SCAF1: variants seen among roughly 807,000 people sequenced by gnomAD.
SCAF1 encodes the protein splicing factor, arginine/serine-rich 19.
A neutral mutation model predicts 91.2 loss-of-function variants in SCAF1; 28 were observed. The observed-to-expected ratio is 0.31, with a 90% CI of 0.23 to 0.42. The LOEUF (loss-of-function observed/expected upper bound fraction) is 0.42. Among genes scored for constraint, SCAF1 ranks in the 10% least tolerant of loss-of-function variants. The pLI is 1.00. For missense variants in SCAF1, 1,893 were observed against 1,872.1 expected (o/e 1.01, Z -0.21); for synonymous variants, 1,036 against 833.7 (o/e 1.24, Z -4.18).
In SCAF1 at chr19:49,642,492, C is replaced by T. The variant is rs1192145118; in HGVS notation, c.-7+250C>T. Among the ~76,000 whole-genome samples the T allele has an allele frequency of 2.0e-5, 3 of 152,106 alleles. No homozygotes were observed. Among genetic ancestry groups the T allele is most frequent in the Admixed American group, 1.3e-4 (2 of 15,278 alleles). ...GCGTCTCCGAGAGGACTTGGGGCGT[C>T]TCTGGGCCTAGACCGAGCCTAAGGC... On this transcript the variant is annotated intron_variant, in intron 1 of 10. Coordinates refer to ENST00000360565, the MANE Select transcript of SCAF1 (RefSeq NM_021228.3). This position sits in a 1 kb window ranked among gnomAD's most constrained non-coding sequence, Gnocchi z 4.0.
In SCAF1 at chr19:49,642,915, G is replaced by A. The variant is rs2081035511; in HGVS notation, c.-7+673G>A. ...AGGGTCTGGGGTCTCCAAGGTATGG[G>A]TAGTGTCTAATAATGGGTGACAGGA... On this transcript the variant is annotated intron_variant, in intron 1 of 10. Coordinates refer to ENST00000360565, the MANE Select transcript of SCAF1 (RefSeq NM_021228.3). This position sits in a 1 kb window ranked among gnomAD's most constrained non-coding sequence, Gnocchi z 4.0. 1.3e-5 allele frequency among the ~76,000 whole-genome samples: 2 copies of A among 152,234 alleles called. No homozygotes were observed. Among genetic ancestry groups the A allele is most frequent in the South Asian group, 4.1e-4 (2 of 4,832 alleles).
At position 49,652,022 on chromosome 19, in the gene SCAF1, G is replaced by T. The variant is rs1182064160; in HGVS notation, c.1633G>T (p.Ala545Ser). ...GTCGGGCACCCAGCCAGCGCCGCCCGCCCCGGCCTCGCCCTGGGACTCCAA... is the reference window on the plus strand; with the variant it reads ...GTCGGGCACCCAGCCAGCGCCGCCCTCCCCGGCCTCGCCCTGGGACTCCAA... ...SSSGTQPAPPAPASPWDSKKH... is the reference protein window; with the variant it reads ...SSSGTQPAPPSPASPWDSKKH... Residue 545 changes from alanine to serine, a missense_variant, in exon 7 of 11, where the codon GCC becomes TCC. Coordinates refer to ENST00000360565, the MANE Select transcript of SCAF1 (RefSeq NM_021228.3). 1.6e-6 allele frequency: 2 copies of T among 1,218,622 alleles called. No homozygotes were observed. Among genetic ancestry groups the T allele is most frequent in the South Asian group, 1.7e-5 (1 of 59,014 alleles). The allele number at this position is 1,218,622 out of a possible 1,614,324, so 75.5% of individuals were successfully genotyped here. A position where few individuals can be genotyped will look rare whatever the true frequency, so the allele number is the denominator to read the frequency against.
chr19:49,644,687 T>A (rs2081044422), intron 1 of SCAF1: 1 of 212,706 alleles, frequency 4.7e-6, no homozygotes, highest in African/African-American at 2.3e-5. Context: ...GGCCAGGGAA[T>A]GAGGTCTTGA....
In SCAF1 at chr19:49,652,414, T is replaced by G. The variant is rs753564388; in HGVS notation, c.2025T>G (p.Cys675Trp). 57 of 1,594,160 alleles carry G rather than the reference T, an allele frequency of 3.6e-5. No individual in the cohort carries two copies. The Admixed American group carries it at 9.5e-4, about 27-fold the overall frequency. Residue 675 changes from cysteine to tryptophan, a missense_variant, in exon 7 of 11, where the codon TGT becomes TGG. Coordinates refer to ENST00000360565, the MANE Select transcript of SCAF1 (RefSeq NM_021228.3). ...PAPPPSGSTS[C>W]GDRDSRRRGA... The stretch of plus-strand genomic sequence containing the variant: ...CGCCGCCCTCTGGCTCCACCTCGTG[T>G]GGTGACCGCGACAGCCGCCGCCGGG...
At chr19:49,654,597 C>T (rs977481693) in intron 8 of SCAF1, 55 bp from the exon 9 acceptor site, 6 of 1,413,360 alleles carry the variant, frequency 4.2e-6, no homozygotes, top group Non-Finnish European at 4.0e-6. Flanking sequence ...GGGTGCACGT[C>T]CCCTCTTCCC....
rs1317687193 is a variant in SCAF1 at position 49,652,438 on chromosome 19, G to C, written c.2049G>C (p.Arg683=). The change falls in exon 7 of 11, where the codon CGG becomes CGC. Residue 683 remains arginine (R), a synonymous_variant. Transcript: ENST00000360565. ...GTGGTGACCGCGACAGCCGCCGCCG[G>C]GGGGCCGTGCCACCCTCCATCCAGG... ...TSCGDRDSRR[R]GAVPPSIQDL... 2.5e-6 allele frequency: 4 copies of C among 1,600,754 alleles called. No individual in the cohort carries two copies. The highest frequency in any genetic ancestry group is 2.2e-5 in the South Asian group (2 of 90,300).
In SCAF1 at chr19:49,651,171, C is replaced by T. The variant is rs1447379547; in HGVS notation, c.782C>T (p.Ser261Leu). Reference sequence around the variant, plus strand: ...CCCACCGGCTCCAACCCCAGCTCATCAGCGGGGACCCCCTCACCTGAGGAG... The same window carrying T: ...CCCACCGGCTCCAACCCCAGCTCATTAGCGGGGACCCCCTCACCTGAGGAG... ...FEPTGSNPSS[S>L]AGTPSPEEEE... The change falls in exon 7 of 11, where the codon TCA becomes TTA. Residue 261 changes from serine to leucine, a missense_variant. Transcript: ENST00000360565. 2 of 1,613,196 alleles carry T rather than the reference C, an allele frequency of 1.2e-6. No homozygotes were observed. The highest frequency in any genetic ancestry group is 1.7e-6 in the Non-Finnish European group (2 of 1,179,864).
At position 49,645,251 on chromosome 19, in the gene SCAF1, T is replaced by C; in HGVS notation, c.109-103T>C. ...GGACTCTTGGCTCCCTTGAAGCACT[T>C]GAGTCTAGCTGTCAGTGTCTGGGAT... On this transcript the variant is annotated intron_variant, in intron 2 of 10. Coordinates refer to ENST00000360565, the MANE Select transcript of SCAF1 (RefSeq NM_021228.3). The surrounding 1 kb of genome is among the most constrained non-coding windows in gnomAD (Gnocchi z 4.6). 1 of 1,482,560 alleles carries C rather than the reference T, an allele frequency of 6.7e-7. No homozygotes were observed. The allele number at this position is 1,482,560 out of a possible 1,614,324, so 91.8% of individuals were successfully genotyped here.
At position 49,646,333 on chromosome 19, in the gene SCAF1, T is replaced by C; in HGVS notation, c.261+131T>C. 4 of 895,256 alleles carry C rather than the reference T, an allele frequency of 4.5e-6. No individual in the cohort carries two copies. The highest frequency in any genetic ancestry group is 5.1e-6 in the Non-Finnish European group (3 of 591,722). The allele number at this position is 895,256 out of a possible 1,614,324, so 55.5% of individuals were successfully genotyped here. On this transcript the variant is annotated intron_variant, in intron 4 of 10. Coordinates refer to ENST00000360565, the MANE Select transcript of SCAF1 (RefSeq NM_021228.3). This position sits in a 1 kb window ranked among gnomAD's most constrained non-coding sequence, Gnocchi z 5.6. Reference sequence around the variant, plus strand: ...CTGCGATGCTGACCAGGGGCAATGTTGGAGAGTCTGGGGGCCTGATCTGTG... The same window carrying C: ...CTGCGATGCTGACCAGGGGCAATGTCGGAGAGTCTGGGGGCCTGATCTGTG...
chr19:49,654,445 G>A lies in SCAF1; in HGVS notation c.3399+14G>A. 1 of 1,611,168 alleles carries A rather than the reference G, an allele frequency of 6.2e-7. No individual in the cohort carries two copies. On this transcript the variant is annotated intron_variant, in intron 8 of 10. Transcript: ENST00000360565. ...GCCACCAACCAGGTGGGCTCCCCTG[G>A]GGGAGAGTCCCTGCCGCCCCTTCTT...
rs2081094145 is a variant in SCAF1, at chr19:49,651,889, C to T, written c.1500C>T (p.Ser500=). 2 of 1,186,240 alleles carry T rather than the reference C, an allele frequency of 1.7e-6. No individual in the cohort carries two copies. Among genetic ancestry groups the T allele is most frequent in the Non-Finnish European group, 2.1e-6 (2 of 955,094 alleles). The allele number at this position is 1,186,240 out of a possible 1,614,324, so 73.5% of individuals were successfully genotyped here. A position where few individuals can be genotyped will look rare whatever the true frequency, so the allele number is the denominator to read the frequency against. Residue 500 remains serine (S), a synonymous_variant, in exon 7 of 11, where the codon TCC becomes TCT. Transcript: ENST00000360565. The part of the protein sequence containing the change: ...RRERYRQRSP[S]PAPAPAPAAA... ...AGCGCTACCGCCAGCGCTCGCCCTC[C>T]CCGGCGCCCGCGCCCGCCCCGGCCG...
Position 49,653,489 on chromosome 19 carries a change from G to A in SCAF1, c.3100G>A (p.Glu1034Lys). The change falls in exon 7 of 11, where the codon GAG becomes AAG. Residue 1034 changes from glutamate to lysine, a missense_variant. Coordinates refer to ENST00000360565, the MANE Select transcript of SCAF1 (RefSeq NM_021228.3). ...GGAGGAAGAAGAAGAGGAGGAGGAA[G>A]AGGAAGAGGAGGAGGAGCAGCAGCC... The part of the protein sequence containing the change: ...EEEEEEEEEE[E>K]EEEEEQQPAT... The A allele has an allele frequency of 1.9e-6, 3 of 1,559,398 alleles. No homozygotes were observed. The highest frequency in any genetic ancestry group is 2.6e-6 in the Non-Finnish European group (3 of 1,156,442).
Position 49,652,826 on chromosome 19 carries a change from G to T in SCAF1, c.2437G>T (p.Val813Phe), listed in dbSNP as rs767196249. The T allele has an allele frequency of 1.2e-6, 2 of 1,614,034 alleles. No individual in the cohort carries two copies. Among genetic ancestry groups the T allele is most frequent in the South Asian group, 2.2e-5 (2 of 91,076 alleles). The change falls in exon 7 of 11, where the codon GTC (valine) becomes TTC (phenylalanine). Residue 813 changes from valine (V) to phenylalanine (F), a missense_variant. Physicochemically the swap from Val to Phe is conservative, Grantham distance 50. Coordinates refer to ENST00000360565, the MANE Select transcript of SCAF1 (RefSeq NM_021228.3). ...CTCAGGGCCCCCGCCAAAGCCACCA[G>T]TCAGCAGCGGCTCAGGCTCTTCATC... is the stretch of plus-strand genomic sequence containing the variant. Reference protein sequence around the residue: ...PSSGPPPKPPVSSGSGSSSSS... With the variant: ...PSSGPPPKPPFSSGSGSSSSS...
At position 49,651,153 on chromosome 19, in the gene SCAF1, G is replaced by A; in HGVS notation, c.764G>A (p.Gly255Asp). 1 of 1,612,912 alleles carries A rather than the reference G, an allele frequency of 6.2e-7. No individual in the cohort carries two copies. The highest frequency in any genetic ancestry group is 1.7e-5 in the Admixed American group (1 of 59,894). The stretch of plus-strand genomic sequence containing the variant: ...AAGTACGACCCTTTTGAGCCCACCG[G>A]CTCCAACCCCAGCTCATCAGCGGGG... ...EQKYDPFEPT[G>D]SNPSSSAGTP... Residue 255 changes from glycine (G) to aspartate (D), a missense_variant, in exon 7 of 11, where the codon GGC becomes GAC. By Grantham distance (94) the Gly-to-Asp change is moderately conservative (BLOSUM62 -1). Transcript: ENST00000360565.
chr19:49,654,974 G>A, intron 9 of SCAF1, 104 bp downstream of exon 9: 1 of 942,492 alleles, frequency 1.1e-6, no homozygotes, highest in Non-Finnish European at 1.5e-6. Context: ...ACTGAGGCAG[G>A]GAGACAGGGC....
In SCAF1 at chr19:49,653,678, G is replaced by A; in HGVS notation, c.3289G>A (p.Asp1097Asn). ...PMPWNLPAGV[D>N]CTTSGVLALT... The stretch of plus-strand genomic sequence containing the variant: ...GCCCTGGAATCTGCCAGCTGGTGTG[G>A]ACTGCACCACCAGCGGCGTCCTGGC... The change falls in exon 7 of 11, where the codon GAC (aspartate) becomes AAC (asparagine). Residue 1097 changes from aspartate (D) to asparagine (N), a missense_variant. Physicochemically the swap from Asp to Asn is conservative, Grantham distance 23. Transcript: ENST00000360565. 1.9e-6 allele frequency: 3 copies of A among 1,584,072 alleles called. No individual in the cohort carries two copies. Among genetic ancestry groups the A allele is most frequent in the Non-Finnish European group, 2.6e-6 (3 of 1,170,488 alleles).
In SCAF1 at chr19:49,651,005, C is replaced by T. The variant is rs1181977640; in HGVS notation, c.616C>T (p.Pro206Ser). Reference sequence around the variant, plus strand: ...TTCCCCTTCTCCCTCATCTTCCTCCCCTTCCCCTCCCCCACCCCCACCGCC... The same window carrying T: ...TTCCCCTTCTCCCTCATCTTCCTCCTCTTCCCCTCCCCCACCCCCACCGCC... The part of the protein sequence containing the change: ...SPSPSPSSSS[P>S]SPPPPPPPPA... Residue 206 changes from proline to serine, a missense_variant, in exon 7 of 11, where the codon CCT (proline) becomes TCT (serine). Pro to Ser is a moderately conservative substitution (Grantham distance 74). Coordinates refer to ENST00000360565, the MANE Select transcript of SCAF1 (RefSeq NM_021228.3). The T allele has an allele frequency of 4.2e-6, 4 of 948,050 alleles. No individual in the cohort carries two copies. Among genetic ancestry groups the T allele is most frequent in the Non-Finnish European group, 6.2e-6 (4 of 646,692 alleles). The allele number at this position is 948,050 out of a possible 1,614,324, so 58.7% of individuals were successfully genotyped here. A position where few individuals can be genotyped will look rare whatever the true frequency, so the allele number is the denominator to read the frequency against.
chr19:49,657,678 C>A, intron 9 of SCAF1, 83 bp from the exon 10 acceptor site: 1 of 1,485,850 alleles, frequency 6.7e-7, no homozygotes, highest in Non-Finnish European at 9.1e-7. Flanking sequence ...GTTAGGCTGG[C>A]AGCAGAGGCG....
At position 49,646,865 on chromosome 19, in the gene SCAF1, C is replaced by T. The variant is rs115505204; in HGVS notation, c.478+35C>T. 64 of 1,539,056 alleles carry T rather than the reference C, an allele frequency of 4.2e-5. No individual in the cohort carries two copies. The African/African-American group carries it at 6.0e-4, about 14-fold the overall frequency. On this transcript the variant is annotated intron_variant, in intron 6 of 10. Transcript: ENST00000360565. This position sits in a 1 kb window ranked among gnomAD's most constrained non-coding sequence, Gnocchi z 5.6. The stretch of plus-strand genomic sequence containing the variant: ...GCCAGGGCGGAGCTGGGCAGGTGGT[C>T]GTGGAGTTGTGTGGGGATCGGCTGT...
Sources: allele counts gnomAD v4.1 joint callset (sites outside exome capture counted in the v4.1 genomes callset), GRCh38; gene constraint gnomAD v4.1.1; non-coding constraint Gnocchi (gnomAD v3.1); transcripts MANE v1.5; gene names NCBI Gene and HGNC (gene_info 2026-07-23, HGNC 2026-07-21).